Variants in GPC6 observed in about 807,000 individuals in gnomAD.
GPC6 encodes glypican 6, also known as glypican-6.
Under a neutral mutation model 55.2 loss-of-function variants are expected in GPC6, and 14 were observed. The observed-to-expected ratio is 0.25, with a 90% CI of 0.17 to 0.40. GPC6 has a LOEUF of 0.40. Ranked by LOEUF, GPC6 falls within the 10% of genes least tolerant of loss-of-function variation. The pLI is 1.00. For synonymous variants in GPC6, 278 were observed against 259.6 expected, an observed-to-expected ratio of 1.07 and a Z score of -0.68; for missense variants, 641 against 708.5, an observed-to-expected ratio of 0.90 and a Z score of 1.08.
rs771392365 is a variant in GPC6, at chr13:93,228,560, GT to G, written c.160+948del. On this transcript the variant is annotated intron_variant, in intron 1 of 8. Coordinates refer to ENST00000377047, the MANE Select transcript of GPC6 (RefSeq NM_005708.5). ...AACTTGCGCGGCAGTCTGGGTGCTTGTTTTCCGGCTCTTAGCTCCAACCGAA... is the reference window on the plus strand; with the variant it reads ...AACTTGCGCGGCAGTCTGGGTGCTTGTTTCCGGCTCTTAGCTCCAACCGAA... Among the ~76,000 whole-genome samples, 24 of 152,302 alleles carry G rather than the reference GT, an allele frequency of 1.6e-4. 1 individual carries two copies. The South Asian group carries it at 4.8e-3, about 30-fold the overall frequency.
intron 1 of GPC6, among the ~76,000 whole-genome samples, chr13:93,253,275 G>A (rs1312887670): frequency 6.6e-6 from 1 of 152,152 alleles, no homozygotes; most frequent in Non-Finnish European, 1.5e-5. Flanking sequence ...AAATTGTACT[G>A]CCTTTTGAAT....
chr13:93,662,555 G>A (rs1206999268), intron 2 of GPC6, among the ~76,000 whole-genome samples: 9 of 152,144 alleles, frequency 5.9e-5, no homozygotes, highest in East Asian at 1.9e-4. Context: ...GTTTGAACCC[G>A]GGAGGCGGAG....
In GPC6 at chr13:93,830,539, T is replaced by G. The variant is rs146980656; in HGVS notation, c.705T>G (p.Val235=). 6.2e-7 allele frequency: 1 copy of G among 1,612,270 alleles called. No individual in the cohort carries two copies. The highest frequency in any genetic ancestry group is 1.3e-5 in the African/African-American group (1 of 74,444). The change falls in exon 3 of 9, where the codon GTT becomes GTG. Residue 235 remains valine, a synonymous_variant. Coordinates refer to ENST00000377047, the MANE Select transcript of GPC6 (RefSeq NM_005708.5). ...LTVGREVANR[V]SKVSPTPGCI... is the part of the protein sequence containing the mutation. ...TGGGCAGAGAAGTTGCAAACCGAGT[T>G]TCCAAGGTAATTGAAAACGTGCTTT...
chr13:94,288,797 ATATATTTGTTATATAT>A, intron 5 of GPC6, among the ~76,000 whole-genome samples: 1 of 102,408 alleles, frequency 9.8e-6, no homozygotes, highest in South Asian at 3.0e-4. Flanking sequence ...TAATAAATAT[ATATATTTGTTATATAT>A]AATAAATATA....
intron 4 of GPC6, among the ~76,000 whole-genome samples, chr13:94,036,743 G>A (rs1487374110): frequency 1.3e-5 from 2 of 151,872 alleles, no homozygotes; most frequent in East Asian, 1.9e-4. Flanking sequence ...CTACCTCAGC[G>A]CTACATTTAT....
At chr13:94,241,665 G>A (rs535875513) in intron 4 of GPC6, among the ~76,000 whole-genome samples, 18 of 152,208 alleles carry the variant, frequency 1.2e-4, no homozygotes, top group Admixed American at 8.5e-4. Flanking sequence ...AAAGGAGGGG[G>A]CTAGGTTGCC....
intron 2 of GPC6, among the ~76,000 whole-genome samples, chr13:93,727,262 A>G (rs1883676806): frequency 6.6e-6 from 1 of 152,154 alleles, no homozygotes; most frequent in African/African-American, 2.4e-5. Flanking sequence ...AAAGCTTTCA[A>G]ATATGGACTC....
intron 6 of GPC6, among the ~76,000 whole-genome samples, chr13:94,312,217 A>C (rs1566662335): frequency 6.6e-6 from 1 of 152,246 alleles, no homozygotes; most frequent in African/African-American, 2.4e-5. Context: ...TTCCAAAAAT[A>C]CACTGTAACT....
intron 2 of GPC6, among the ~76,000 whole-genome samples, chr13:93,602,230 T>G (rs974116368): frequency 1.3e-5 from 2 of 152,192 alleles, no homozygotes; most frequent in Non-Finnish European, 2.9e-5. Flanking sequence ...AAAACCAGAT[T>G]TTTATTGCCA....
intron 6 of GPC6, among the ~76,000 whole-genome samples, chr13:94,333,399 C>T (rs933603661): frequency 2.6e-5 from 4 of 152,106 alleles, no homozygotes; most frequent in South Asian, 2.1e-4. Flanking sequence ...ATAAAAACAG[C>T]GGCTTAAGAA....
intron 5 of GPC6, among the ~76,000 whole-genome samples, chr13:94,293,101 G>C (rs1198484376): frequency 6.6e-6 from 1 of 151,000 alleles, no homozygotes; most frequent in Non-Finnish European, 1.5e-5. Context: ...TTCCTTTTGA[G>C]GAAAGAATCT....
intron 1 of GPC6, among the ~76,000 whole-genome samples, chr13:93,340,026 C>CTTTTTTTTTTTTTTTT (rs10714044): frequency 1.2e-5 from 1 of 81,618 alleles, no homozygotes; most frequent in Non-Finnish European, 2.2e-5. Flanking sequence ...AGTTTTCTTT[C>CTTTTTTTTTTTTTTTT]TTTTTTTTTT....
intron 4 of GPC6, among the ~76,000 whole-genome samples, chr13:94,041,324 T>C (rs754054148): frequency 6.6e-6 from 1 of 151,858 alleles, no homozygotes; most frequent in Admixed American, 6.6e-5. Flanking sequence ...GTGTCTGTGA[T>C]CCTTCTTGAT....
At chr13:94,132,575 G>T (rs1350527650) in intron 4 of GPC6, among the ~76,000 whole-genome samples, 1 of 152,066 alleles carries the variant, frequency 6.6e-6, no homozygotes, top group East Asian at 1.9e-4. Context: ...CAAAAATATG[G>T]GCCAAATAAT....
At chr13:93,488,081 T>A (rs1356176404) in intron 1 of GPC6, among the ~76,000 whole-genome samples, 1 of 152,178 alleles carries the variant, frequency 6.6e-6, no homozygotes, top group East Asian at 1.9e-4. Context: ...TAACTCGTCA[T>A]TTACATTAGG....
intron 2 of GPC6, among the ~76,000 whole-genome samples, chr13:93,829,618 A>G (rs1477039138): frequency 6.6e-6 from 1 of 152,228 alleles, no homozygotes; most frequent in Non-Finnish European, 1.5e-5. Context: ...TTGCATTATG[A>G]ATATCTGAAC....
chr13:94,169,159 C>T (rs185482244), intron 4 of GPC6, among the ~76,000 whole-genome samples: 40 of 152,278 alleles, frequency 2.6e-4, no homozygotes, highest in Admixed American at 7.2e-4. Flanking sequence ...TAGGAAACAA[C>T]GTTTGCAATA....
At chr13:93,543,673 G>A (rs1340755741) in intron 1 of GPC6, among the ~76,000 whole-genome samples, 1 of 152,092 alleles carries the variant, frequency 6.6e-6, no homozygotes, top group African/African-American at 2.4e-5. Context: ...TTAAGGCTGA[G>A]TACTATTCCA....
At chr13:94,312,003 G>A (rs1876273444) in intron 6 of GPC6, among the ~76,000 whole-genome samples, 1 of 152,148 alleles carries the variant, frequency 6.6e-6, no homozygotes, top group South Asian at 2.1e-4. Context: ...CCTGCAGCTG[G>A]TCCAGTTCAG....
Sources: gnomAD v4.1 joint callset for allele counts (sites outside exome capture counted in the v4.1 genomes callset) on GRCh38, gnomAD v4.1.1 for gene constraint, MANE v1.5 for transcripts, NCBI Gene and HGNC (gene_info 2026-07-23, HGNC 2026-07-21) for gene names.